Variants in TGM2 observed in about 807,000 individuals in gnomAD.
TGM2 encodes transglutaminase 2.
TGM2 carries 53 observed loss-of-function variants against 75.6 expected under a neutral mutation model. The ratio of observed to expected loss-of-function variants is 0.70; its 90% CI spans 0.56 to 0.88. TGM2 has a LOEUF of 0.88. Among genes scored for constraint, TGM2 ranks in the 40% least tolerant of loss-of-function variants. The pLI is 0.00. For synonymous variants in TGM2, 374 were observed against 381.1 expected (o/e 0.98, Z 0.22); for missense variants, 842 against 928.5 (o/e 0.91, Z 1.21).
intron 4 of TGM2, among the ~76,000 whole-genome samples, chr20:38,149,692 A>AAAAAAAAAAAAAAAAAAC (rs1555809515): frequency 1.2e-4 from 17 of 147,236 alleles, no homozygotes; most frequent in South Asian, 2.2e-4. Context: ...AAAAAAAAAA[A>AAAAAAAAAAAAAAAAAAC]AAAAAAAAAC....
intron 6 of TGM2, among the ~76,000 whole-genome samples, chr20:38,143,275 G>A (rs1463761765): frequency 6.6e-6 from 1 of 152,228 alleles, no homozygotes; most frequent in Non-Finnish European, 1.5e-5. Context: ...GCTGCTTTCA[G>A]CTGTGTGACC....
rs769187211 is a variant in TGM2, at chr20:38,155,869, C to G, written c.411G>C (p.Leu137Phe). Residue 137 changes from leucine (L) to phenylalanine (F), a missense_variant, in exon 3 of 13, where the codon TTG (leucine) becomes TTC (phenylalanine). Leu to Phe is a conservative substitution (Grantham distance 22). Coordinates refer to ENST00000361475, the MANE Select transcript of TGM2 (RefSeq NM_004613.4). ...GSSFVLGHFI[L>F]LFNAWCPADA... ...CACCTGGGCACCAGGCGTTGAAGAG[C>G]AAAATGAAGTGGCCCAGCACAAAGC... 6.2e-7 allele frequency: 1 copy of G among 1,601,506 alleles called. No individual in the cohort carries two copies. Among genetic ancestry groups the G allele is most frequent in the Non-Finnish European group, 8.5e-7 (1 of 1,174,732 alleles).
Position 38,161,447 on chromosome 20 carries a change from C to G in TGM2, c.163G>C (p.Asp55His). ...GTCACGACACTGAAGGTGAGACTGT[C>G]TACACTGGCCTCGTAGTTGCGGCCC... ...FEGRNYEASV[D>H]SLTFSVVTGP... Residue 55 changes from aspartate (D) to histidine (H), a missense_variant, in exon 2 of 13, where the codon GAC becomes CAC. Coordinates refer to ENST00000361475, the MANE Select transcript of TGM2 (RefSeq NM_004613.4). The G allele has an allele frequency of 1.2e-6, 2 of 1,614,146 alleles. No individual in the cohort carries two copies. The highest frequency in any genetic ancestry group is 1.7e-6 in the Non-Finnish European group (2 of 1,180,014).
At chr20:38,143,960 C>A (rs537310142) in intron 6 of TGM2, among the ~76,000 whole-genome samples, 1 of 152,182 alleles carries the variant, frequency 6.6e-6, no homozygotes, top group Non-Finnish European at 1.5e-5. Context: ...ATGACCTCCC[C>A]CTCTTGCCTG....
intron 2 of TGM2, 139 bp from the exon 3 acceptor site, chr20:38,156,228 C>T: frequency 8.9e-7 from 1 of 1,117,462 alleles, no homozygotes; most frequent in Non-Finnish European, 1.3e-6. Flanking sequence ...AGAAGTTTGT[C>T]TCCCTGAGCC....
chr20:38,138,152 T>C lies in TGM2; in HGVS notation c.1576A>G (p.Thr526Ala), dbSNP rs1423740888. Residue 526 changes from threonine (T) to alanine (A), a missense_variant, in exon 10 of 13, where the codon ACC (threonine) becomes GCC (alanine). By Grantham distance (58) the Thr-to-Ala change is moderately conservative. Transcript: ENST00000361475. ...AGGTTGAGGTTGAGCAGGTACTTGG[T>C]GCCACACTCGGGCCCCAAGATCCCA... The part of the protein sequence containing the change: ...YNGILGPECG[T>A]KYLLNLNLEP... 7.5e-6 allele frequency: 12 copies of C among 1,602,236 alleles called. No individual in the cohort carries two copies. The highest frequency in any genetic ancestry group is 1.0e-5 in the Non-Finnish European group (12 of 1,174,544).
intron 10 of TGM2, among the ~76,000 whole-genome samples, chr20:38,136,882 C>A (rs2074907184): frequency 2.6e-5 from 4 of 152,190 alleles, no homozygotes; most frequent in African/African-American, 9.7e-5. Context: ...GGAAGATAAC[C>A]AGGCACAGTG....
chr20:38,162,706 G>C (rs1451523063), intron 1 of TGM2, among the ~76,000 whole-genome samples: 1 of 152,074 alleles, frequency 6.6e-6, no homozygotes, highest in African/African-American at 2.4e-5. Context: ...ATTTGTTTGT[G>C]TTAAAAAAAA....
chr20:38,166,938 G>A (rs541904811), upstream of TGM2, among the ~76,000 whole-genome samples: 7 of 152,236 alleles, frequency 4.6e-5, no homozygotes, highest in East Asian at 1.2e-3. Context: ...TCAAGAGGCC[G>A]GGGTTCAAGT....
rs538109975 is a variant in TGM2, at chr20:38,146,592, A to T, written c.859+125T>A. ...AGAGGGTGGTCACAGGCTCTAGGCC[A>T]CATAGCGCATTGAGAGTGTTGGTGG... is the stretch of plus-strand genomic sequence containing the variant. On this transcript the variant is annotated intron_variant, in intron 6 of 12. Transcript: ENST00000361475. 96 of 1,161,942 alleles carry T rather than the reference A, an allele frequency of 8.3e-5. No homozygotes were observed. The African/African-American group carries it at 1.4e-3, about 17-fold the overall frequency. 72.0% of individuals were successfully genotyped at this position (1,161,942 alleles called of 1,614,324 possible). A position where few individuals can be genotyped will look rare whatever the true frequency, so the allele number is the denominator to read the frequency against.
At chr20:38,164,539 G>A (rs764514596) in intron 1 of TGM2, among the ~76,000 whole-genome samples, 3 of 152,132 alleles carry the variant, frequency 2.0e-5, no homozygotes, top group Admixed American at 6.5e-5. Context: ...ACCAGGGCAC[G>A]GTCAGGGTGA....
At chr20:38,157,498 A>G (rs899170045) in intron 2 of TGM2, among the ~76,000 whole-genome samples, 1 of 152,190 alleles carries the variant, frequency 6.6e-6, no homozygotes, top group African/African-American at 2.4e-5. Flanking sequence ...TTCTTATCCA[A>G]GAAGAAAACA....
intron 6 of TGM2, among the ~76,000 whole-genome samples, chr20:38,144,256 G>C (rs1318993466): frequency 1.3e-5 from 2 of 152,188 alleles, no homozygotes; most frequent in African/African-American, 4.8e-5. Context: ...CCTTGGGCAA[G>C]CCACTCCCCT....
chr20:38,149,678 C>CAAAAAAAAAAAAAAAAAAAAAA (rs1199376180), intron 4 of TGM2, among the ~76,000 whole-genome samples: 14 of 40,442 alleles, frequency 3.5e-4, no homozygotes, highest in African/African-American at 5.6e-4. Context: ...GACTCCGCCT[C>CAAAAAAAAAAAAAAAAAAAAAA]AAAAAAAAAA....
chr20:38,168,131 C>A (rs1600530497), upstream of TGM2, among the ~76,000 whole-genome samples: 1 of 152,212 alleles, frequency 6.6e-6, no homozygotes, highest in Admixed American at 6.5e-5. Context: ...CAGCTGCCCC[C>A]ACTTCCTCTC....
At position 38,127,820 on chromosome 20, in the gene TGM2, T is replaced by C. The variant is rs557389681; in HGVS notation, c.*2399A>G. The C allele has an allele frequency of 3.3e-5, 5 of 152,372 alleles. No homozygotes were observed. In the South Asian group the frequency reaches 8.3e-4, roughly 25 times the overall value. 9.4% of individuals were successfully genotyped at this position (152,372 alleles called of 1,614,324 possible). A position where few individuals can be genotyped will look rare whatever the true frequency, so the allele number is the denominator to read the frequency against. On this transcript the variant is annotated 3_prime_UTR_variant, in exon 13 of 13. Transcript: ENST00000361475. ...TTTTTACTGTTTTCAATGTGGTCAC[T>C]AGAAAATTCTAAATTACATATGTGG...
Position 38,130,131 on chromosome 20 carries a change from C to T in TGM2, c.*88G>A. The T allele has an allele frequency of 1.9e-6, 3 of 1,567,382 alleles. No homozygotes were observed. The highest frequency in any genetic ancestry group is 4.6e-5 in the East Asian group (2 of 43,784). ...GCCCACCCTGCCCTGGGGTCTGGGGCCCAAGAAGGGGCATATTTTGCTCAC... is the reference window on the plus strand; with the variant it reads ...GCCCACCCTGCCCTGGGGTCTGGGGTCCAAGAAGGGGCATATTTTGCTCAC... On this transcript the variant is annotated 3_prime_UTR_variant, in exon 13 of 13. Transcript: ENST00000361475.
intron 10 of TGM2, chr20:38,132,967 C>T (rs1243761091): frequency 4.9e-6 from 2 of 411,070 alleles, no homozygotes; most frequent in Non-Finnish European, 1.0e-5. Flanking sequence ...AGGCACTGCA[C>T]TTCCCACGGC....
chr20:38,138,142 A>C lies in TGM2; in HGVS notation c.1586T>G (p.Leu529Arg). ...GAAAGGCTCCAGGTTGAGGTTGAGC[A>C]GGTACTTGGTGCCACACTCGGGCCC... is the stretch of plus-strand genomic sequence containing the variant. ...ILGPECGTKY[L>R]LNLNLEPFSE... Residue 529 changes from leucine (L) to arginine (R), a missense_variant, in exon 10 of 13, where the codon CTG becomes CGG. By Grantham distance (102) the Leu-to-Arg change is moderately radical (BLOSUM62 -2). Transcript: ENST00000361475. The C allele has an allele frequency of 6.2e-7, 1 of 1,600,820 alleles. No individual in the cohort carries two copies.
Sources: allele counts gnomAD v4.1 joint callset (sites outside exome capture counted in the v4.1 genomes callset), GRCh38; gene constraint gnomAD v4.1.1; transcripts MANE v1.5; gene names NCBI Gene and HGNC (gene_info 2026-07-23, HGNC 2026-07-21).